Variants in MYT1L observed in about 807,000 individuals in gnomAD.
MYT1L encodes the protein myelin transcription factor 1 like.
Under a neutral mutation model 126.7 loss-of-function variants are expected in MYT1L, and 12 were observed. The observed-to-expected ratio is 0.09, with a 90% CI of 0.06 to 0.15. MYT1L has a LOEUF of 0.15. MYT1L is among the 10% of genes least tolerant of loss of function. The pLI, the probability that MYT1L is intolerant of heterozygous loss-of-function variation, is 1.00. For missense variants in MYT1L, 979 were observed against 1,585.2 expected (o/e 0.62, Z 6.49); for synonymous variants, 541 against 604.2 (o/e 0.90, Z 1.53).
intron 14 of MYT1L, among the ~76,000 whole-genome samples, chr2:1,899,006 G>C (rs570355197): frequency 6.6e-6 from 1 of 152,240 alleles, no homozygotes; most frequent in African/African-American, 2.4e-5. Flanking sequence ...AGGTCTGAGC[G>C]CTGGAGAATT....
At chr2:1,903,315 AAAC>A in intron 13 of MYT1L, 21 bp from the exon 14 acceptor site, 1 of 1,591,840 alleles carries the variant, frequency 6.3e-7, no homozygotes, top group Non-Finnish European at 8.6e-7. Context: ...ACAAGAAAAC[AAAC>A]AACAGCTTGC....
intron 21 of MYT1L, among the ~76,000 whole-genome samples, chr2:1,812,254 T>G (rs1236567790): frequency 6.6e-6 from 1 of 152,188 alleles, no homozygotes; most frequent in East Asian, 1.9e-4. Context: ...AGGAAAGACT[T>G]AGGCAGTCCT....
At chr2:2,125,774 G>T (rs890738056) in intron 3 of MYT1L, among the ~76,000 whole-genome samples, 1 of 152,252 alleles carries the variant, frequency 6.6e-6, no homozygotes, top group Admixed American at 6.5e-5. Flanking sequence ...AAAGAGTAGA[G>T]AATGAAAATG....
chr2:2,190,854 T>C (rs1318165227), intron 2 of MYT1L, among the ~76,000 whole-genome samples: 7 of 152,134 alleles, frequency 4.6e-5, no homozygotes, highest in African/African-American at 1.4e-4. Flanking sequence ...GGCACAATCT[T>C]GGCTCACCAC....
chr2:2,314,583 A>T (rs1490185919), intron 1 of MYT1L, among the ~76,000 whole-genome samples: 4 of 152,004 alleles, frequency 2.6e-5, no homozygotes, highest in Non-Finnish European at 5.9e-5. Flanking sequence ...AAGTTCTGGG[A>T]TACATGTGCA....
chr2:2,215,828 G>C (rs1398786467), intron 2 of MYT1L, among the ~76,000 whole-genome samples: 1 of 152,024 alleles, frequency 6.6e-6, no homozygotes, highest in East Asian at 1.9e-4. Context: ...AGTGTTGGAG[G>C]TGGTCCCTCC....
intron 1 of MYT1L, among the ~76,000 whole-genome samples, chr2:2,316,639 T>C (rs1009481280): frequency 6.6e-6 from 1 of 152,168 alleles, no homozygotes. Context: ...TTTCTGTGAA[T>C]TGTCAAGGCA....
intron 3 of MYT1L, among the ~76,000 whole-genome samples, chr2:2,060,714 C>G (rs2070315716): frequency 8.9e-6 from 1 of 112,826 alleles, no homozygotes; most frequent in African/African-American, 3.5e-5. Flanking sequence ...CTTCCCTTCC[C>G]TCCCCCCTCC....
chr2:1,990,511 G>A (rs1280960212), intron 5 of MYT1L, among the ~76,000 whole-genome samples: 1 of 152,188 alleles, frequency 6.6e-6, no homozygotes, highest in Non-Finnish European at 1.5e-5. Context: ...CGGGTGCCAT[G>A]GAGGGCAGTG....
rs2148538207 is a variant in MYT1L at position 1,852,325 on chromosome 2, G to C, written c.2712-622C>G. On this transcript the variant is annotated intron_variant, in intron 18 of 24. Transcript: ENST00000647738. The surrounding 1 kb of genome is among the most constrained non-coding windows in gnomAD (Gnocchi z 4.0). Reference sequence around the variant, plus strand: ...AGACCTTAAAATAGTTGTTACTCTTGAGCGACATGAAGAACATAAATCAGT... The same window carrying C: ...AGACCTTAAAATAGTTGTTACTCTTCAGCGACATGAAGAACATAAATCAGT... 6.6e-6 allele frequency among the ~76,000 whole-genome samples: 1 copy of C among 152,244 alleles called. No homozygotes were observed. Among genetic ancestry groups the C allele is most frequent in the South Asian group, 2.1e-4 (1 of 4,818 alleles).
At chr2:2,259,404 AAC>A (rs1313770998) in intron 2 of MYT1L, among the ~76,000 whole-genome samples, 3 of 125,032 alleles carry the variant, frequency 2.4e-5, no homozygotes, top group African/African-American at 1.1e-4. Flanking sequence ...TAAAAAAAAA[AAC>A]ATTAAAAAAA....
Position 2,228,524 on chromosome 2 carries a change from G to T in MYT1L, c.-420-55536C>A, listed in dbSNP as rs1241421028. On this transcript the variant is annotated intron_variant, in intron 2 of 24. Coordinates refer to ENST00000647738, the MANE Select transcript of MYT1L (RefSeq NM_001303052.2). This position sits in a 1 kb window ranked among gnomAD's most constrained non-coding sequence, Gnocchi z 5.9. The stretch of plus-strand genomic sequence containing the variant: ...AACTTTAGAACTGGAAGAAAGTTTA[G>T]AATTTTTTTGCCAATCTTTTTGATT... Among the ~76,000 whole-genome samples the T allele has an allele frequency of 6.6e-6, 1 of 152,078 alleles. No individual in the cohort carries two copies. Among genetic ancestry groups the T allele is most frequent in the Non-Finnish European group, 1.5e-5 (1 of 68,002 alleles).
intron 2 of MYT1L, among the ~76,000 whole-genome samples, chr2:2,184,068 A>G (rs1255538358): frequency 6.6e-6 from 1 of 150,918 alleles, no homozygotes; most frequent in African/African-American, 2.4e-5. Flanking sequence ...AAAAAAGGGG[A>G]GAGAGAAACA....
At chr2:2,005,943 T>TGTTCTTTCCTGAATGC (rs2063269381) in intron 4 of MYT1L, among the ~76,000 whole-genome samples, 1 of 147,594 alleles carries the variant, frequency 6.8e-6, no homozygotes. Flanking sequence ...TTCCTGCATG[T>TGTTCTTTCCTGAATGC]GTTCTTTCCT....
intron 4 of MYT1L, among the ~76,000 whole-genome samples, chr2:2,016,835 C>T (rs1244672870): frequency 1.3e-5 from 2 of 152,242 alleles, no homozygotes. Context: ...TCTGAATTTC[C>T]TGCCAATCTG....
chr2:1,882,232 C>T (rs1290051852), intron 18 of MYT1L, among the ~76,000 whole-genome samples: 4 of 152,154 alleles, frequency 2.6e-5, no homozygotes, highest in East Asian at 1.9e-4. Flanking sequence ...TGCCCTGGGC[C>T]GTGCTTGCTG....
rs1211944349 is a variant in MYT1L, at chr2:2,330,955, A to C, written c.-521+12T>G. The C allele has an allele frequency of 6.6e-6, 1 of 152,168 alleles. No homozygotes were observed. The highest frequency in any genetic ancestry group is 1.9e-4 in the East Asian group (1 of 5,188). The allele number at this position is 152,168 out of a possible 1,614,324, so 9.4% of individuals were successfully genotyped here. A position where few individuals can be genotyped will look rare whatever the true frequency, so the allele number is the denominator to read the frequency against. On this transcript the variant is annotated intron_variant, in intron 1 of 24. Transcript: ENST00000647738. ...AGTTCCCCGAAAAATTAACCTAACG[A>C]ACATCACGTACCTCACAATGACCAC...
intron 23 of MYT1L, among the ~76,000 whole-genome samples, chr2:1,794,945 G>A (rs1259403556): frequency 6.6e-5 from 10 of 152,224 alleles, no homozygotes; most frequent in Non-Finnish European, 1.5e-5. Flanking sequence ...TCCAGGGTCA[G>A]AGAGAATGTC....
chr2:2,241,936 T>A (rs2094448287), intron 2 of MYT1L, among the ~76,000 whole-genome samples: 1 of 152,126 alleles, frequency 6.6e-6, no homozygotes, highest in Non-Finnish European at 1.5e-5. Flanking sequence ...GATGGGTGTG[T>A]CTAGACACAC....
Sources: allele counts gnomAD v4.1 joint callset (sites outside exome capture counted in the v4.1 genomes callset), GRCh38; gene constraint gnomAD v4.1.1; non-coding constraint Gnocchi (gnomAD v3.1); transcripts MANE v1.5; gene names NCBI Gene and HGNC (gene_info 2026-07-23, HGNC 2026-07-21).